Variants in MYO1H observed in about 807,000 individuals in gnomAD.
MYO1H encodes unconventional myosin-Ih.
A neutral mutation model predicts 149.3 loss-of-function variants in MYO1H; 118 were observed. That is an observed-to-expected ratio of 0.79 (90% CI 0.68 to 0.92). The LOEUF is 0.92. Among genes scored for constraint, MYO1H ranks in the 40% least tolerant of loss-of-function variants. The pLI is 0.00. For synonymous variants in MYO1H, 447 were observed against 465.2 expected (o/e 0.96, Z 0.50); for missense variants, 1,212 against 1,280.7 (o/e 0.95, Z 0.82).
chr12:109,332,962 C>A, the MYO1H span, among the ~76,000 whole-genome samples: 1 of 151,964 alleles, frequency 6.6e-6, no homozygotes, highest in African/African-American at 2.4e-5. Flanking sequence ...ATATGCAGGT[C>A]GACATAATTT....
intron 1 of MYO1H, among the ~76,000 whole-genome samples, chr12:109,368,660 A>AAAAAG (rs1868918949): frequency 1.4e-5 from 2 of 144,046 alleles, no homozygotes; most frequent in Non-Finnish European, 3.0e-5. Context: ...AAAAAAAAAA[A>AAAAAG]GGGTTCTTGC....
chr12:109,419,187 TACAC>T (rs59471788), intron 15 of MYO1H, among the ~76,000 whole-genome samples: 2,687 of 148,512 alleles, frequency 0.018, 100 homozygotes, highest in East Asian at 0.15. Flanking sequence ...TATGTGAGGA[TACAC>T]ACACACACAC....
the MYO1H span, among the ~76,000 whole-genome samples, chr12:109,316,041 G>A: frequency 2.0e-5 from 3 of 151,918 alleles, no homozygotes; most frequent in African/African-American, 7.3e-5. Flanking sequence ...TGAAATTCAT[G>A]GTAACTCTTG....
the MYO1H span, among the ~76,000 whole-genome samples, chr12:109,311,395 A>C: frequency 6.6e-6 from 1 of 152,166 alleles, no homozygotes; most frequent in Non-Finnish European, 1.5e-5. Flanking sequence ...CCACTAAAAC[A>C]CCTACTGCTA....
At chr12:109,436,533 A>C in exon 22 of MYO1H, 1 of 1,610,174 alleles carries the variant, frequency 6.2e-7, no homozygotes, top group Admixed American at 1.7e-5. Flanking sequence ...GGAAGGAGAG[A>C]ATACGTGAAA....
Position 109,410,069 on chromosome 12 carries a change from G to A in MYO1H, c.1329+1G>A. 1 of 1,458,408 alleles carries A rather than the reference G, an allele frequency of 6.9e-7. No individual in the cohort carries two copies. The allele number at this position is 1,458,408 out of a possible 1,614,324, so 90.3% of individuals were successfully genotyped here. On this transcript the variant is annotated splice_donor_variant, in intron 12 of 31. Transcript: ENST00000310903. LOFTEE classifies it high-confidence loss of function. ...AGAATATGAAATGGAAGGCATAGAG[G>A]TAAACATTTTGATGTTTTCTCCTCA...
chr12:109,403,959 T>G (rs1201172012), intron 6 of MYO1H, 23 bp from the exon 7 acceptor site: 4 of 1,561,048 alleles, frequency 2.6e-6, no homozygotes, highest in Non-Finnish European at 3.5e-6. Flanking sequence ...TGACATTAAG[T>G]GACTCAAACT....
exon 32 of MYO1H, chr12:109,448,145 G>T (rs1872568197): frequency 6.6e-6 from 1 of 152,172 alleles, no homozygotes; most frequent in Non-Finnish European, 1.5e-5. Context: ...TTTAATATGA[G>T]AAGTGCTTTG....
chr12:109,422,932 A>C (rs919127613), intron 16 of MYO1H, among the ~76,000 whole-genome samples: 1 of 151,852 alleles, frequency 6.6e-6, no homozygotes, highest in Non-Finnish European at 1.5e-5. Flanking sequence ...AAATTAAAAA[A>C]TTAGCTGGGT....
upstream of MYO1H, among the ~76,000 whole-genome samples, chr12:109,345,237 AAGG>A (rs1174378592): frequency 1.3e-5 from 2 of 152,226 alleles, no homozygotes; most frequent in Non-Finnish European, 2.9e-5. Context: ...CAGAATATAT[AAGG>A]AGCTTCTACA....
chr12:109,393,238 T>C, intron 2 of MYO1H, 93 bp from the exon 3 acceptor site: 1 of 774,194 alleles, frequency 1.3e-6, no homozygotes, highest in Non-Finnish European at 2.2e-6. Flanking sequence ...TCATTTTAAA[T>C]CCTCCATGTG....
chr12:109,403,979 C>T lies in MYO1H; in HGVS notation c.751-3C>T, dbSNP rs1870271055. 6.2e-7 allele frequency: 1 copy of T among 1,610,670 alleles called. No individual in the cohort carries two copies. Among genetic ancestry groups the T allele is most frequent in the East Asian group, 2.2e-5 (1 of 44,866 alleles). On this transcript the variant is annotated splice_region_variant and splice_polypyrimidine_tract_variant and intron_variant, in intron 6 of 31. Coordinates refer to ENST00000310903, the Ensembl canonical transcript of MYO1H. ...TTAAGTGACTCAAACTTTTTGTCAACAGGGTCATTGTGCCAAAGAGTCATC... is the reference window on the plus strand; with the variant it reads ...TTAAGTGACTCAAACTTTTTGTCAATAGGGTCATTGTGCCAAAGAGTCATC...
At chr12:109,358,866 A>G (rs1868671821) in intron 1 of MYO1H, among the ~76,000 whole-genome samples, 1 of 151,326 alleles carries the variant, frequency 6.6e-6, no homozygotes, top group African/African-American at 2.4e-5. Flanking sequence ...AAAAAAAAAA[A>G]AAAAGGCTCT....
intron 26 of MYO1H, 45 bp downstream of exon 26, chr12:109,441,753 A>C: frequency 7.2e-7 from 1 of 1,394,812 alleles, no homozygotes. Context: ...CCAATTCTAA[A>C]AGGAGTTAAA....
At position 109,436,516 on chromosome 12, in the gene MYO1H, C is replaced by A. The variant is rs765238771; in HGVS notation, c.2169C>A (p.Arg723=). 9.9e-6 allele frequency: 16 copies of A among 1,611,396 alleles called. No homozygotes were observed. The African/African-American group carries it at 2.1e-4, about 22-fold the overall frequency. ...CAAGAATCCAAGCCACTTACAAACG[C>A]TGCCTAGGAAGGAGAGAATACGTGA... is the stretch of plus-strand genomic sequence containing the variant. Residue 723 remains arginine, a synonymous_variant, in exon 22 of 32, where the codon CGC becomes CGA. Transcript: ENST00000310903.
At chr12:109,432,836 T>C in intron 19 of MYO1H, 61 bp from the exon 20 acceptor site, 1 of 1,409,026 alleles carries the variant, frequency 7.1e-7, no homozygotes. Context: ...GGGCCGGGGA[T>C]GTGGGGGAGG....
intron 1 of MYO1H, among the ~76,000 whole-genome samples, chr12:109,355,560 C>A (rs1368138013): frequency 6.6e-6 from 1 of 152,098 alleles, no homozygotes; most frequent in Non-Finnish European, 1.5e-5. Flanking sequence ...TTCCTGAGCC[C>A]TCCTCTTGTG....
chr12:109,374,213 A>T (rs970506966), intron 1 of MYO1H, among the ~76,000 whole-genome samples: 1 of 152,196 alleles, frequency 6.6e-6, no homozygotes, highest in South Asian at 2.1e-4. Flanking sequence ...TTCCATTTCT[A>T]TAAGTCATCT....
intron 1 of MYO1H, among the ~76,000 whole-genome samples, chr12:109,386,696 T>C (rs988505565): frequency 6.6e-6 from 1 of 152,244 alleles, no homozygotes; most frequent in Non-Finnish European, 1.5e-5. Context: ...GTTTGTCTTT[T>C]TATTATTGGA....
Sources: gnomAD v4.1 joint callset for allele counts (sites outside exome capture counted in the v4.1 genomes callset) on GRCh38, gnomAD v4.1.1 for gene constraint, MANE v1.5 for transcripts, NCBI Gene and HGNC (gene_info 2026-07-23, HGNC 2026-07-21) for gene names.